The following H2AZ2 variants were observed in gnomAD, a reference collection of about 807,000 sequenced individuals.
H2AZ2 encodes the protein histone H2A.V.
Under a neutral mutation model 15.5 loss-of-function variants are expected in H2AZ2, and 5 were observed. That is an observed-to-expected ratio of 0.32 (90% CI 0.17 to 0.68). The LOEUF (loss-of-function observed/expected upper bound fraction) is 0.68. H2AZ2 is among the 30% of genes least tolerant of loss of function. The pLI is 0.72. For missense variants in H2AZ2, 42 were observed against 162.5 expected (o/e 0.26, Z 4.03); for synonymous variants, 44 against 57.4 (o/e 0.77, Z 1.05).
At position 44,848,038 on chromosome 7, in the gene H2AZ2, G is replaced by C. The variant is rs1199648269; in HGVS notation, c.-67C>G. Reference sequence around the variant, plus strand: ...CCCGCTGCCGACCCGCGCCGCCGCCGCCGCTCTCGCAGCACCGACCGCCGC... The same window carrying C: ...CCCGCTGCCGACCCGCGCCGCCGCCCCCGCTCTCGCAGCACCGACCGCCGC... On this transcript the variant is annotated 5_prime_UTR_variant, in exon 1 of 5. Transcript: ENST00000308153. 9.2e-7 allele frequency: 1 copy of C among 1,088,062 alleles called. No homozygotes were observed. The highest frequency in any genetic ancestry group is 1.2e-6 in the Non-Finnish European group (1 of 849,370). The allele number at this position is 1,088,062 out of a possible 1,614,324, so 67.4% of individuals were successfully genotyped here. A position where few individuals can be genotyped will look rare whatever the true frequency, so the allele number is the denominator to read the frequency against.
intron 3 of H2AZ2, among the ~76,000 whole-genome samples, chr7:44,837,892 A>T (rs1488856085): frequency 6.6e-6 from 1 of 151,944 alleles, no homozygotes; most frequent in African/African-American, 2.4e-5. Context: ...TCAATGTAAG[A>T]CACCACACCC....
chr7:44,845,578 T>C (rs1157091634), intron 1 of H2AZ2, among the ~76,000 whole-genome samples: 2 of 152,098 alleles, frequency 1.3e-5, no homozygotes, highest in Non-Finnish European at 2.9e-5. Context: ...AAATAAGAAG[T>C]AGTCACTAAT....
At chr7:44,835,384 C>A in intron 4 of H2AZ2, 145 bp downstream of exon 4, 3 of 561,774 alleles carry the variant, frequency 5.3e-6, no homozygotes, top group Non-Finnish European at 8.7e-6. Context: ...TTATGAAAAG[C>A]TTAGAATTGT....
downstream of H2AZ2, chr7:44,830,222 C>T (rs1792981075): frequency 6.6e-7 from 1 of 1,508,932 alleles, no homozygotes; most frequent in Non-Finnish European, 9.2e-7. Context: ...AAATAAGGGC[C>T]ATCTCATAGA....
In H2AZ2 at chr7:44,832,866, C is replaced by G. The variant is rs1793024890; in HGVS notation, c.*1635G>C. Among the ~76,000 whole-genome samples the G allele has an allele frequency of 6.6e-6, 1 of 152,122 alleles. No individual in the cohort carries two copies. The highest frequency in any genetic ancestry group is 1.5e-5 in the Non-Finnish European group (1 of 68,014). ...TTGCAGGGCTGAGGTAAGAGGATTG[C>G]TTGGGCCTGAGAGGTGGAGGCTGCA... On this transcript the variant is annotated 3_prime_UTR_variant, in exon 5 of 5. Transcript: ENST00000308153.
intron 1 of H2AZ2, among the ~76,000 whole-genome samples, chr7:44,844,537 A>G (rs1464219783): frequency 6.6e-6 from 1 of 152,064 alleles, no homozygotes; most frequent in African/African-American, 2.4e-5. Flanking sequence ...TATTTTTAGT[A>G]CCAACAAGGT....
downstream of H2AZ2, among the ~76,000 whole-genome samples, chr7:44,830,378 T>C (rs535049426): frequency 6.6e-5 from 10 of 152,312 alleles, no homozygotes; most frequent in East Asian, 5.8e-4. Flanking sequence ...AATTCAACCA[T>C]AGGCACCAAA....
intron 4 of H2AZ2, chr7:44,835,261 G>A: frequency 2.4e-6 from 1 of 410,454 alleles, no homozygotes; most frequent in Non-Finnish European, 4.3e-6. Flanking sequence ...AAAAAAGTAT[G>A]GGAAATATGT....
rs1398079541 is a variant in H2AZ2, at chr7:44,836,074, C to A, written c.196-416G>T. 2.0e-5 allele frequency among the ~76,000 whole-genome samples: 3 copies of A among 151,440 alleles called. No individual in the cohort carries two copies. The East Asian group carries it at 5.8e-4, about 29-fold the overall frequency. ...TCCCAAGTGCAGGGTTATTCTCCTG[C>A]CCTAGCGTCCTGAGCTGCTGTGACC... On this transcript the variant is annotated intron_variant, in intron 3 of 4. Coordinates refer to ENST00000308153, the MANE Select transcript of H2AZ2 (RefSeq NM_012412.5).
chr7:44,848,101 T>G, upstream of H2AZ2: 1 of 475,100 alleles, frequency 2.1e-6, no homozygotes, highest in Non-Finnish European at 3.2e-6. Flanking sequence ...CGCCTCGCGC[T>G]GCTGTGGCCA....
downstream of H2AZ2, among the ~76,000 whole-genome samples, chr7:44,831,804 G>A (rs111422683): frequency 3.9e-5 from 6 of 152,250 alleles, no homozygotes; most frequent in African/African-American, 1.2e-4. Context: ...ATCCATCAGG[G>A]GAAAAGCTGA....
At chr7:44,831,191 T>C (rs1028382728), downstream of H2AZ2, among the ~76,000 whole-genome samples, 1 of 151,866 alleles carries the variant, frequency 6.6e-6, no homozygotes, top group Non-Finnish European at 1.5e-5. Flanking sequence ...AAATAAAACA[T>C]AAAAAAGCTA....
intron 1 of H2AZ2, among the ~76,000 whole-genome samples, chr7:44,845,550 C>T (rs1392922531): frequency 6.6e-6 from 1 of 152,100 alleles, no homozygotes; most frequent in Non-Finnish European, 1.5e-5. Context: ...CACTGTCTTC[C>T]TATGACTGGA....
chr7:44,841,845 C>T (rs780694035), intron 2 of H2AZ2, among the ~76,000 whole-genome samples: 4 of 152,162 alleles, frequency 2.6e-5, no homozygotes, highest in Non-Finnish European at 4.4e-5. Flanking sequence ...ACTTCCTTTC[C>T]GCTGGTTCCT....
intron 2 of H2AZ2, among the ~76,000 whole-genome samples, chr7:44,841,631 T>G (rs537754761): frequency 1.3e-5 from 2 of 152,300 alleles, no homozygotes; most frequent in East Asian, 3.9e-4. Flanking sequence ...TGCCTCAGCC[T>G]CCTGAGTAGG....
At chr7:44,834,787 T>A in intron 4 of H2AZ2, 1 of 266,488 alleles carries the variant, frequency 3.8e-6, no homozygotes, top group Non-Finnish European at 7.0e-6. Flanking sequence ...ACCATAGCTT[T>A]TTTTTTTTTT....
chr7:44,834,784 C>CTTTTTT (rs35455193), intron 4 of H2AZ2: 9 of 159,622 alleles, frequency 5.6e-5, no homozygotes, highest in South Asian at 1.2e-4. Flanking sequence ...GTAACCATAG[C>CTTTTTT]TTTTTTTTTT....
intron 1 of H2AZ2, among the ~76,000 whole-genome samples, chr7:44,846,060 C>CAG (rs1167886736): frequency 3.7e-4 from 29 of 78,192 alleles, no homozygotes; most frequent in African/African-American, 9.4e-4. Context: ...CACACACACA[C>CAG]ACAGAGAGAG....
chr7:44,846,036 C>T (rs959409964), intron 1 of H2AZ2, among the ~76,000 whole-genome samples: 3 of 92,564 alleles, frequency 3.2e-5, no homozygotes, highest in Non-Finnish European at 7.9e-5. Flanking sequence ...CACACACACA[C>T]ACACACACAC....
Sources: gnomAD v4.1 joint callset for allele counts (sites outside exome capture counted in the v4.1 genomes callset) on GRCh38, gnomAD v4.1.1 for gene constraint, MANE v1.5 for transcripts, NCBI Gene and HGNC (gene_info 2026-07-23, HGNC 2026-07-21) for gene names.